GADL1: variants seen among roughly 807,000 people sequenced by gnomAD.
GADL1 encodes the protein acidic amino acid decarboxylase GADL1.
A neutral mutation model predicts 69.5 loss-of-function variants in GADL1; 71 were observed. That is an observed-to-expected ratio of 1.02 (90% CI 0.84 to 1.25). GADL1 has a LOEUF of 1.25. Among genes scored for constraint, GADL1 ranks in the 50% most tolerant of loss-of-function variants. The probability of loss-of-function intolerance (pLI) is 0.00; values close to 1 mark genes in which losing one functional copy is unlikely to be tolerated. For synonymous variants in GADL1, 254 were observed against 214.4 expected, an observed-to-expected ratio of 1.18 and a Z score of -1.62; for missense variants, 737 against 631.8, an observed-to-expected ratio of 1.17 and a Z score of -1.79.
At chr3:30,840,711 T>C (rs12496173) in intron 8 of GADL1, among the ~76,000 whole-genome samples, 20,210 of 152,230 alleles carry the variant, frequency 0.13, 1,640 homozygotes, top group South Asian at 0.23. Context: ...TAATGAGTTT[T>C]CCTCACCTTT....
At chr3:30,857,548 A>C (rs1360005665) in intron 2 of GADL1, among the ~76,000 whole-genome samples, 1 of 151,996 alleles carries the variant, frequency 6.6e-6, no homozygotes, top group Admixed American at 6.6e-5. Context: ...GATTTTTGAG[A>C]AATGGAGAGG....
At position 30,726,710 on chromosome 3, in the gene GADL1, C is replaced by A. The variant is rs1695372414; in HGVS notation, c.*1532G>T. On this transcript the variant is annotated 3_prime_UTR_variant, in exon 15 of 15. Coordinates refer to ENST00000282538, the MANE Select transcript of GADL1 (RefSeq NM_207359.3). ...CTAAGTCTAATGCTTTAACACTCTT[C>A]AATCATTCACCTTTTAATGCAGACC... 1 of 152,156 alleles carries A rather than the reference C, an allele frequency of 6.6e-6. No homozygotes were observed. The highest frequency in any genetic ancestry group is 2.4e-5 in the African/African-American group (1 of 41,442). 9.4% of individuals were successfully genotyped at this position (152,156 alleles called of 1,614,324 possible). A position where few individuals can be genotyped will look rare whatever the true frequency, so the allele number is the denominator to read the frequency against.
At chr3:30,745,816 C>A (rs977770078) in intron 14 of GADL1, among the ~76,000 whole-genome samples, 2 of 152,230 alleles carry the variant, frequency 1.3e-5, no homozygotes, top group South Asian at 2.1e-4. Context: ...CCAATACATT[C>A]TCTGCCTGAT....
intron 9 of GADL1, among the ~76,000 whole-genome samples, chr3:30,838,402 T>C (rs1559357209): frequency 2.0e-5 from 3 of 152,168 alleles, no homozygotes; most frequent in Admixed American, 6.6e-5. Context: ...AAAATTCTTT[T>C]AAAAAGCCAA....
At chr3:30,729,547 G>T (rs1559481478) in intron 14 of GADL1, among the ~76,000 whole-genome samples, 1 of 152,142 alleles carries the variant, frequency 6.6e-6, no homozygotes, top group Non-Finnish European at 1.5e-5. Flanking sequence ...TGAGGGGCAT[G>T]AATCTGGGTT....
intron 9 of GADL1, among the ~76,000 whole-genome samples, chr3:30,836,229 T>C (rs901726731): frequency 5.3e-5 from 8 of 151,994 alleles, no homozygotes; most frequent in African/African-American, 1.9e-4. Context: ...TCATGCTCCC[T>C]GAGCTAGCCT....
intron 1 of GADL1, among the ~76,000 whole-genome samples, chr3:30,867,775 CT>C (rs1698425132): frequency 6.6e-6 from 1 of 151,904 alleles, no homozygotes. Context: ...AGACGAATTA[CT>C]GTACTTGGGT....
At chr3:30,828,536 G>A (rs1697729093) in intron 11 of GADL1, among the ~76,000 whole-genome samples, 1 of 151,276 alleles carries the variant, frequency 6.6e-6, no homozygotes, top group South Asian at 2.1e-4. Context: ...GAAGATGAAA[G>A]GAAAGGAAAA....
intron 14 of GADL1, among the ~76,000 whole-genome samples, chr3:30,757,014 T>G (rs1233248180): frequency 6.6e-6 from 1 of 152,140 alleles, no homozygotes; most frequent in Non-Finnish European, 1.5e-5. Flanking sequence ...CAATGACAGC[T>G]GTTTCAGCAT....
At chr3:30,831,146 C>A (rs572556067) in intron 11 of GADL1, among the ~76,000 whole-genome samples, 1 of 152,002 alleles carries the variant, frequency 6.6e-6, no homozygotes, top group South Asian at 2.1e-4. Flanking sequence ...TCCAATAACT[C>A]TTTTAGTTCT....
intron 1 of GADL1, among the ~76,000 whole-genome samples, chr3:30,865,276 C>T (rs1239268074): frequency 4.4e-5 from 6 of 135,506 alleles, no homozygotes; most frequent in East Asian, 2.2e-4. Context: ...ATAATACCCA[C>T]GTAAATTAAT....
intron 13 of GADL1, among the ~76,000 whole-genome samples, chr3:30,781,665 C>T (rs962588623): frequency 1.3e-5 from 2 of 152,224 alleles, no homozygotes; most frequent in Admixed American, 1.3e-4. Flanking sequence ...TCAACTTCAT[C>T]AGATCTTTGG....
intron 11 of GADL1, among the ~76,000 whole-genome samples, chr3:30,833,270 T>G (rs1181554683): frequency 1.3e-5 from 2 of 151,986 alleles, no homozygotes; most frequent in East Asian, 3.9e-4. Flanking sequence ...AGCCTCAACT[T>G]TTTTTCCACT....
intron 1 of GADL1, among the ~76,000 whole-genome samples, chr3:30,876,245 C>T (rs57316615): frequency 2.6e-5 from 4 of 152,016 alleles, no homozygotes; most frequent in Non-Finnish European, 4.4e-5. Flanking sequence ...GGCTACACAG[C>T]TAGAAGGTAT....
At chr3:30,751,519 C>T (rs528738965) in intron 14 of GADL1, among the ~76,000 whole-genome samples, 2 of 150,956 alleles carry the variant, frequency 1.3e-5, no homozygotes, top group South Asian at 2.1e-4. Flanking sequence ...TCTTGTAATG[C>T]TATTTGCCTA....
chr3:30,768,033 A>C (rs1273416659), intron 14 of GADL1, among the ~76,000 whole-genome samples: 127 of 29,054 alleles, frequency 4.4e-3, no homozygotes, highest in African/African-American at 8.4e-3. Flanking sequence ...ATAACTCCCC[A>C]TACCCCCCCC....
intron 12 of GADL1, among the ~76,000 whole-genome samples, chr3:30,795,921 T>C (rs916389974): frequency 5.9e-5 from 9 of 152,144 alleles, no homozygotes; most frequent in African/African-American, 1.7e-4. Flanking sequence ...TACTTAAACA[T>C]AGGTCACAGT....
chr3:30,836,261 A>C (rs1328489680), intron 9 of GADL1, among the ~76,000 whole-genome samples: 1 of 151,914 alleles, frequency 6.6e-6, no homozygotes, highest in African/African-American at 2.4e-5. Flanking sequence ...GCTTCTCCAA[A>C]AAGGTAAATA....
intron 11 of GADL1, among the ~76,000 whole-genome samples, chr3:30,821,387 ATAATG>A (rs2125517789): frequency 6.6e-6 from 1 of 152,228 alleles, no homozygotes; most frequent in East Asian, 1.9e-4. Context: ...GTAAACTGAT[ATAATG>A]TGTGTCTTTT....
Sources: allele counts gnomAD v4.1 joint callset (sites outside exome capture counted in the v4.1 genomes callset), GRCh38; gene constraint gnomAD v4.1.1; transcripts MANE v1.5; gene names NCBI Gene and HGNC (gene_info 2026-07-23, HGNC 2026-07-21).